GNA12: variants seen among roughly 807,000 people sequenced by gnomAD.
GNA12 encodes the protein G protein subunit alpha 12.
A neutral mutation model predicts 26.0 loss-of-function variants in GNA12; 9 were observed. The observed-to-expected ratio is 0.35, with a 90% confidence interval of 0.21 to 0.60. The LOEUF (loss-of-function observed/expected upper bound fraction) is 0.60. Among genes scored for constraint, GNA12 ranks in the 20% least tolerant of loss-of-function variants. The probability of loss-of-function intolerance (pLI) is 0.78; values close to 1 mark genes in which losing one functional copy is unlikely to be tolerated. For synonymous variants in GNA12, 264 were observed against 219.6 expected (o/e 1.20, Z -1.79); for missense variants, 405 against 525.8 (o/e 0.77, Z 2.25).
At chr7:2,809,628 G>T (rs1381971419) in intron 1 of GNA12, among the ~76,000 whole-genome samples, 2 of 152,114 alleles carry the variant, frequency 1.3e-5, no homozygotes, top group African/African-American at 4.8e-5. Flanking sequence ...CGCCTTTGGG[G>T]TAGCCCTGCT....
At chr7:2,776,583 G>T (rs1041356323) in intron 2 of GNA12, among the ~76,000 whole-genome samples, 3 of 152,134 alleles carry the variant, frequency 2.0e-5, no homozygotes, top group Admixed American at 1.3e-4. Context: ...AGGGAAAGAG[G>T]GGCTGGGAAG....
In GNA12 at chr7:2,836,276, G is replaced by A. The variant is rs147580028; in HGVS notation, c.309+7577C>T. 1.1e-3 allele frequency among the ~76,000 whole-genome samples: 171 copies of A among 152,292 alleles called. 1 individual carries two copies. Among genetic ancestry groups the A allele is most frequent in the African/African-American group, 3.9e-3 (161 of 41,548 alleles). ...CCCCAGACACTGAGTAAAAAGACCA[G>A]GATGATGGAGACTTCCACAAAGTAA... On this transcript the variant is annotated intron_variant, in intron 1 of 3. Transcript: ENST00000275364.
intron 1 of GNA12, among the ~76,000 whole-genome samples, chr7:2,829,067 T>C (rs1793544466): frequency 7.5e-6 from 1 of 134,118 alleles, no homozygotes; most frequent in Non-Finnish European, 1.6e-5. Flanking sequence ...AGCCAGACCC[T>C]GTCTCAGGAA....
At chr7:2,797,858 A>AC (rs1767762969) in intron 1 of GNA12, among the ~76,000 whole-genome samples, 4 of 152,202 alleles carry the variant, frequency 2.6e-5, no homozygotes, top group Non-Finnish European at 2.9e-5. Flanking sequence ...TGGGGGAAAC[A>AC]AACTTTAAGA....
intron 2 of GNA12, among the ~76,000 whole-genome samples, chr7:2,735,767 G>A (rs1238501271): frequency 1.3e-5 from 2 of 152,202 alleles, no homozygotes; most frequent in Non-Finnish European, 2.9e-5. Flanking sequence ...GAGGAGAGGA[G>A]TCAAATCTAG....
chr7:2,817,892 GTTTTAT>G (rs959126484), intron 1 of GNA12, among the ~76,000 whole-genome samples: 2 of 152,044 alleles, frequency 1.3e-5, no homozygotes, highest in East Asian at 1.9e-4. Context: ...CCTCCCTTTA[GTTTTAT>G]TTTTAAGTCT....
chr7:2,815,020 C>T, intron 1 of GNA12: 1 of 1,515,378 alleles, frequency 6.6e-7, no homozygotes, highest in Non-Finnish European at 8.8e-7. Flanking sequence ...CCCCTTCCAC[C>T]CAATCCAGTC....
intron 2 of GNA12, among the ~76,000 whole-genome samples, chr7:2,760,762 G>A (rs2115394971): frequency 6.6e-6 from 1 of 152,306 alleles, no homozygotes; most frequent in South Asian, 2.1e-4. Flanking sequence ...TTTCCTCTAG[G>A]GACAGCGTCG....
intron 2 of GNA12, among the ~76,000 whole-genome samples, chr7:2,778,809 G>A (rs75121653): frequency 1.3e-5 from 2 of 152,192 alleles, no homozygotes; most frequent in African/African-American, 4.8e-5. Flanking sequence ...AATGGTGAGA[G>A]TCCAGGGCTC....
In GNA12 at chr7:2,843,900, T is replaced by G. The variant is rs1404261944; in HGVS notation, c.262A>C (p.Lys88Gln). 1 of 1,576,094 alleles carries G rather than the reference T, an allele frequency of 6.3e-7. No individual in the cohort carries two copies. Among genetic ancestry groups the G allele is most frequent in the African/African-American group, 1.4e-5 (1 of 71,654 alleles). ...GTGTCGCGGAACTCCAGCAGCGCCT[T>G]CTGGTCGAACTCGCGGCCGTGGATG... Reference protein sequence around the residue: ...RIIHGREFDQKALLEFRDTIF... With the variant: ...RIIHGREFDQQALLEFRDTIF... Residue 88 changes from lysine (K) to glutamine (Q), a missense_variant, in exon 1 of 4, where the codon AAG becomes CAG. By Grantham distance (53) the Lys-to-Gln change is moderately conservative. Coordinates refer to ENST00000275364, the MANE Select transcript of GNA12 (RefSeq NM_007353.3).
chr7:2,804,127 A>AC (rs531318392), intron 1 of GNA12, among the ~76,000 whole-genome samples: 1,982 of 152,290 alleles, frequency 0.013, 44 homozygotes, highest in African/African-American at 0.044. Context: ...TTGAGAACAC[A>AC]AACACACAAA....
intron 1 of GNA12, chr7:2,814,730 T>C (rs1227720342): frequency 2.9e-6 from 2 of 698,012 alleles, no homozygotes; most frequent in Non-Finnish European, 2.4e-6. Context: ...TCCTTGCATA[T>C]AACGGCCTTC....
intron 2 of GNA12, among the ~76,000 whole-genome samples, chr7:2,755,244 A>G (rs73049325): frequency 0.031 from 4,700 of 152,322 alleles, 126 homozygotes; most frequent in Non-Finnish European, 0.05. Context: ...TGGCCATTCC[A>G]GTGCCTTTCC....
At chr7:2,764,094 A>G (rs1378219061) in intron 2 of GNA12, among the ~76,000 whole-genome samples, 2 of 152,094 alleles carry the variant, frequency 1.3e-5, no homozygotes, top group African/African-American at 4.8e-5. Context: ...GTTTTGAGAC[A>G]GGGTCTCACT....
At chr7:2,746,303 C>A (rs540182339) in intron 2 of GNA12, among the ~76,000 whole-genome samples, 18 of 152,260 alleles carry the variant, frequency 1.2e-4, no homozygotes, top group African/African-American at 4.3e-4. Flanking sequence ...TGTAAAAGAA[C>A]AGAAATTATA....
At chr7:2,739,113 A>C (rs994425311) in intron 2 of GNA12, among the ~76,000 whole-genome samples, 1 of 152,168 alleles carries the variant, frequency 6.6e-6, no homozygotes, top group African/African-American at 2.4e-5. Flanking sequence ...CAGGGGTGCC[A>C]CGCCGGGCCC....
intron 1 of GNA12, among the ~76,000 whole-genome samples, chr7:2,806,779 G>C (rs1290434010): frequency 6.6e-6 from 1 of 152,150 alleles, no homozygotes; most frequent in Non-Finnish European, 1.5e-5. Context: ...CTAAGATTGA[G>C]GTAATCCCTA....
intron 2 of GNA12, among the ~76,000 whole-genome samples, chr7:2,758,174 T>G (rs1020729144): frequency 4.6e-5 from 7 of 151,996 alleles, no homozygotes; most frequent in Non-Finnish European, 7.4e-5. Context: ...AAACTCAACA[T>G]CTCCCCAACT....
chr7:2,778,207 A>G (rs1792127942), intron 2 of GNA12, among the ~76,000 whole-genome samples: 1 of 152,238 alleles, frequency 6.6e-6, no homozygotes, highest in Admixed American at 6.5e-5. Context: ...ATTTTTTCAA[A>G]AAGAGAAAAG....
Sources: gnomAD v4.1 joint callset for allele counts (sites outside exome capture counted in the v4.1 genomes callset) on GRCh38, gnomAD v4.1.1 for gene constraint, MANE v1.5 for transcripts, NCBI Gene and HGNC (gene_info 2026-07-23, HGNC 2026-07-21) for gene names.